The following NLGN1 variants were observed in gnomAD, a reference collection of about 807,000 sequenced individuals.
The protein encoded by NLGN1 is neuroligin-1.
NLGN1 carries 12 observed loss-of-function variants against 65.5 expected under a neutral mutation model. That is an observed-to-expected ratio of 0.18 (90% CI 0.12 to 0.30). The LOEUF is 0.30. NLGN1 is among the 10% of genes least tolerant of loss of function. The probability of loss-of-function intolerance (pLI) is 1.00; values close to 1 mark genes in which losing one functional copy is unlikely to be tolerated. For synonymous variants in NLGN1, 350 were observed against 359.5 expected (o/e 0.97, Z 0.30); for missense variants, 750 against 1,007.1 (o/e 0.74, Z 3.46).
At chr3:173,648,579 C>CT (rs1471218557) in intron 3 of NLGN1, among the ~76,000 whole-genome samples, 1 of 151,612 alleles carries the variant, frequency 6.6e-6, no homozygotes, top group Admixed American at 6.6e-5. Context: ...TTTTTTCTTT[C>CT]TTTCTTTTTT....
chr3:173,702,107 C>T (rs1767269552), intron 3 of NLGN1, among the ~76,000 whole-genome samples: 1 of 149,364 alleles, frequency 6.7e-6, no homozygotes, highest in African/African-American at 2.4e-5. Flanking sequence ...GGCGTAGTGG[C>T]GGGCGCCTGT....
chr3:173,520,050 T>C (rs983916230), intron 2 of NLGN1, among the ~76,000 whole-genome samples: 1 of 152,128 alleles, frequency 6.6e-6, no homozygotes, highest in African/African-American at 2.4e-5. Context: ...GGATTGGTTG[T>C]TTAAAAGTGT....
chr3:173,962,101 GT>G (rs1468173277), intron 4 of NLGN1, among the ~76,000 whole-genome samples: 3 of 152,004 alleles, frequency 2.0e-5, no homozygotes, highest in Non-Finnish European at 4.4e-5. Context: ...AATTAATTTG[GT>G]TTTTGAAAAT....
chr3:173,525,021 C>T (rs1280821926), intron 2 of NLGN1, among the ~76,000 whole-genome samples: 1 of 152,084 alleles, frequency 6.6e-6, no homozygotes, highest in Non-Finnish European at 1.5e-5. Context: ...TATTGTCCTA[C>T]AGTTTTTTGT....
At chr3:173,403,139 A>C (rs535045292) in intron 1 of NLGN1, among the ~76,000 whole-genome samples, 5 of 152,266 alleles carry the variant, frequency 3.3e-5, no homozygotes, top group African/African-American at 1.2e-4. Flanking sequence ...CATGCTTCTG[A>C]TGTAGAATGC....
the NLGN1 span, among the ~76,000 whole-genome samples, chr3:174,294,227 C>A: frequency 6.6e-6 from 1 of 151,576 alleles, no homozygotes; most frequent in East Asian, 1.9e-4. Flanking sequence ...GGTAAAACAT[C>A]TTTTCTTATG....
intron 3 of NLGN1, among the ~76,000 whole-genome samples, chr3:173,788,800 A>T (rs1327695904): frequency 6.7e-6 from 1 of 148,392 alleles, no homozygotes; most frequent in Non-Finnish European, 1.5e-5. Flanking sequence ...CCACTACCAT[A>T]ATCCAGCCTG....
chr3:173,792,828 A>G (rs1014857521), intron 3 of NLGN1, among the ~76,000 whole-genome samples: 1 of 152,168 alleles, frequency 6.6e-6, no homozygotes, highest in African/African-American at 2.4e-5. Flanking sequence ...TGCGTTTTTA[A>G]AAATGTATTT....
chr3:174,252,945 T>C (rs1184764875), intron 4 of NLGN1, among the ~76,000 whole-genome samples: 3 of 152,174 alleles, frequency 2.0e-5, no homozygotes, highest in Non-Finnish European at 2.9e-5. Context: ...AAAGAATAGA[T>C]GGCCAACAAA....
chr3:173,992,835 C>G (rs1406381035), intron 4 of NLGN1, among the ~76,000 whole-genome samples: 1 of 152,102 alleles, frequency 6.6e-6, no homozygotes, highest in South Asian at 2.1e-4. Flanking sequence ...CCAAATAATA[C>G]AGCAATATTT....
intron 2 of NLGN1, among the ~76,000 whole-genome samples, chr3:173,446,655 T>C (rs868831984): frequency 9.2e-5 from 14 of 152,206 alleles, no homozygotes; most frequent in African/African-American, 2.7e-4. Flanking sequence ...ACTTCCACAA[T>C]GGTTGAACTA....
At chr3:173,584,799 A>C (rs1373336714) in intron 2 of NLGN1, 1 of 149,574 alleles carries the variant, frequency 6.7e-6, no homozygotes, top group Admixed American at 6.6e-5. Context: ...GGGGGGGTGC[A>C]AAACTGGGGT....
chr3:173,952,128 A>G (rs944030652), intron 4 of NLGN1, among the ~76,000 whole-genome samples: 3 of 152,180 alleles, frequency 2.0e-5, no homozygotes, highest in Admixed American at 1.3e-4. Context: ...TCATCAGTCT[A>G]TATACTTCCG....
chr3:174,066,260 A>G (rs1359318110), intron 4 of NLGN1, among the ~76,000 whole-genome samples: 2 of 152,106 alleles, frequency 1.3e-5, no homozygotes, highest in Non-Finnish European at 2.9e-5. Context: ...TCCCTCATTT[A>G]GAAGAGATAA....
At chr3:173,918,702 G>GTATATA (rs763046532) in intron 4 of NLGN1, among the ~76,000 whole-genome samples, 3 of 68,004 alleles carry the variant, frequency 4.4e-5, no homozygotes, top group African/African-American at 1.6e-4. Context: ...GTGTGTGTGT[G>GTATATA]TATATATATA....
chr3:174,085,674 A>G (rs1743089796), intron 4 of NLGN1, among the ~76,000 whole-genome samples: 1 of 150,224 alleles, frequency 6.7e-6, no homozygotes, highest in Non-Finnish European at 1.5e-5. Context: ...TTAGAAAGAA[A>G]GTGGATATGT....
At chr3:174,174,716 G>C (rs112705305) in intron 4 of NLGN1, among the ~76,000 whole-genome samples, 1 of 151,320 alleles carries the variant, frequency 6.6e-6, no homozygotes, top group Non-Finnish European at 1.5e-5. Flanking sequence ...TAGATTCTGG[G>C]TATTAGTCCT....
intron 4 of NLGN1, among the ~76,000 whole-genome samples, chr3:174,198,978 G>T (rs1733965261): frequency 6.6e-6 from 1 of 151,168 alleles, no homozygotes; most frequent in Non-Finnish European, 1.5e-5. Context: ...CTCCAGAGTA[G>T]CTGGAATTAC....
intron 2 of NLGN1, among the ~76,000 whole-genome samples, chr3:173,559,677 G>C (rs1488488588): frequency 3.3e-5 from 5 of 152,064 alleles, no homozygotes; most frequent in Admixed American, 2.0e-4. Flanking sequence ...AATTTTTAAG[G>C]CATGTATAAA....
Sources: gnomAD v4.1 joint callset for allele counts (sites outside exome capture counted in the v4.1 genomes callset) on GRCh38, gnomAD v4.1.1 for gene constraint, MANE v1.5 for transcripts, NCBI Gene and HGNC (gene_info 2026-07-23, HGNC 2026-07-21) for gene names.